The following CLNK variants were observed in gnomAD, a reference collection of about 807,000 sequenced individuals.
The protein encoded by CLNK is cytokine dependent hematopoietic cell linker, also known as cytokine-dependent hematopoietic cell linker.
Under a neutral mutation model 68.6 loss-of-function variants are expected in CLNK, and 74 were observed. That is an observed-to-expected ratio of 1.08 (90% CI 0.89 to 1.31). CLNK has a LOEUF of 1.31. CLNK is among the 50% of genes most tolerant of loss of function. The probability of loss-of-function intolerance (pLI) is 0.00; values close to 1 mark genes in which losing one functional copy is unlikely to be tolerated. For missense variants in CLNK, 553 were observed against 515.3 expected (o/e 1.07, Z -0.71); for synonymous variants, 198 against 172.2 (o/e 1.15, Z -1.17).
chr4:10,705,169 C>T, the CLNK span, among the ~76,000 whole-genome samples: 4 of 152,150 alleles, frequency 2.6e-5, no homozygotes, highest in East Asian at 7.7e-4. Context: ...TGGGAACTAC[C>T]AGTGATAATG....
chr4:10,671,064 G>A (rs1724611910), intron 1 of CLNK, among the ~76,000 whole-genome samples: 1 of 152,180 alleles, frequency 6.6e-6, no homozygotes, highest in Non-Finnish European at 1.5e-5. Flanking sequence ...ATTATAGAGA[G>A]ATCCCAAACT....
intron 3 of CLNK, among the ~76,000 whole-genome samples, chr4:10,593,380 C>T (rs1463698530): frequency 6.6e-6 from 1 of 152,122 alleles, no homozygotes; most frequent in Non-Finnish European, 1.5e-5. Context: ...CCAGGCGGGG[C>T]ACGGTGGCTC....
the CLNK span, among the ~76,000 whole-genome samples, chr4:10,708,098 A>G: frequency 6.6e-6 from 1 of 152,180 alleles, no homozygotes; most frequent in African/African-American, 2.4e-5. Flanking sequence ...GAGATTCCCA[A>G]TGACAGGAGG....
intron 8 of CLNK, among the ~76,000 whole-genome samples, chr4:10,546,208 TGA>T (rs1286751229): frequency 1.3e-5 from 2 of 152,234 alleles, no homozygotes; most frequent in Non-Finnish European, 2.9e-5. Flanking sequence ...GTGGCCAGGC[TGA>T]GTTTTCCAAA....
chr4:10,666,006 G>A (rs1314090126), intron 2 of CLNK, among the ~76,000 whole-genome samples: 1 of 152,174 alleles, frequency 6.6e-6, no homozygotes, highest in African/African-American at 2.4e-5. Context: ...GACAACCAGA[G>A]GGAGATTTGA....
At chr4:10,559,732 C>G (rs1228085407) in intron 7 of CLNK, among the ~76,000 whole-genome samples, 1 of 152,154 alleles carries the variant, frequency 6.6e-6, no homozygotes, top group Admixed American at 6.5e-5. Flanking sequence ...TGTCCCTCCC[C>G]TGGGGCAATT....
intron 8 of CLNK, among the ~76,000 whole-genome samples, chr4:10,555,425 A>G (rs1719627854): frequency 6.6e-6 from 1 of 152,196 alleles, no homozygotes; most frequent in African/African-American, 2.4e-5. Context: ...CTATCTGAAA[A>G]TAAGATTATT....
the CLNK span, among the ~76,000 whole-genome samples, chr4:10,721,525 G>A: frequency 1.3e-5 from 2 of 151,028 alleles, no homozygotes; most frequent in East Asian, 2.0e-4. Flanking sequence ...GGTATGTGTA[G>A]GTAAAATCTA....
Position 10,542,340 on chromosome 4 carries a change from A to T in CLNK, c.446-60T>A, listed in dbSNP as rs950230830. ...GAAAATGTCATCAAGCATTGATTTT[A>T]TACACGCTTACATGAAAATCATTTT... On this transcript the variant is annotated intron_variant, in intron 8 of 18. Coordinates refer to ENST00000226951, the MANE Select transcript of CLNK (RefSeq NM_052964.4). 9.3e-6 allele frequency: 10 copies of T among 1,069,522 alleles called. No individual in the cohort carries two copies. The African/African-American group carries it at 1.6e-4, about 17-fold the overall frequency. 66.3% of individuals were successfully genotyped at this position (1,069,522 alleles called of 1,614,324 possible).
At chr4:10,706,787 T>A in the CLNK span, among the ~76,000 whole-genome samples, 1 of 152,144 alleles carries the variant, frequency 6.6e-6, no homozygotes, top group South Asian at 2.1e-4. Context: ...TGCCTTTCCC[T>A]GTATGATGTC....
At chr4:10,635,399 A>G (rs751621906) in intron 2 of CLNK, among the ~76,000 whole-genome samples, 19 of 152,112 alleles carry the variant, frequency 1.2e-4, no homozygotes, top group Non-Finnish European at 2.2e-4. Flanking sequence ...CACCTCTGAC[A>G]CTAATCTCTT....
intron 3 of CLNK, among the ~76,000 whole-genome samples, chr4:10,586,081 CT>C (rs917028219): frequency 6.6e-5 from 10 of 152,158 alleles, no homozygotes; most frequent in Admixed American, 1.3e-4. Flanking sequence ...CTATGAGAAT[CT>C]AATGCTGCTG....
intron 2 of CLNK, among the ~76,000 whole-genome samples, chr4:10,658,270 G>A (rs537981759): frequency 6.1e-4 from 93 of 152,144 alleles, no homozygotes; most frequent in Non-Finnish European, 1.1e-3. Flanking sequence ...TGTTCTTCAT[G>A]GTGGAATATC....
At chr4:10,515,307 TA>T (rs900201675) in intron 15 of CLNK, among the ~76,000 whole-genome samples, 3 of 152,198 alleles carry the variant, frequency 2.0e-5, no homozygotes, top group Admixed American at 1.3e-4. Context: ...CTTCTGTCCA[TA>T]AGGCTCTGAA....
the CLNK span, among the ~76,000 whole-genome samples, chr4:10,719,523 T>C: frequency 1.3e-5 from 2 of 152,080 alleles, no homozygotes; most frequent in Non-Finnish European, 2.9e-5. Context: ...CTGTCCTAAA[T>C]GTGTGTGCAT....
At position 10,610,746 on chromosome 4, in the gene CLNK, G is replaced by A. The variant is rs549087878; in HGVS notation, c.12-12697C>T. ...GTCATGCCTGAAAGATTCTGGATGCGTGATAGAAAACAACATAAAAAAGCA... is the reference window on the plus strand; with the variant it reads ...GTCATGCCTGAAAGATTCTGGATGCATGATAGAAAACAACATAAAAAAGCA... On this transcript the variant is annotated intron_variant, in intron 2 of 18. Transcript: ENST00000226951. Among the ~76,000 whole-genome samples, 49 of 150,966 alleles carry A rather than the reference G, an allele frequency of 3.2e-4. No homozygotes were observed. The East Asian group carries it at 7.8e-3, about 24-fold the overall frequency.
At chr4:10,609,526 G>A (rs192813547) in intron 2 of CLNK, among the ~76,000 whole-genome samples, 59 of 152,296 alleles carry the variant, frequency 3.9e-4, no homozygotes, top group African/African-American at 1.3e-3. Context: ...CCAAAACTCT[G>A]GATTTCCTGA....
At chr4:10,529,455 AC>A (rs1438881128) in intron 12 of CLNK, among the ~76,000 whole-genome samples, 6 of 152,282 alleles carry the variant, frequency 3.9e-5, no homozygotes, top group South Asian at 2.1e-4. Context: ...TAGATAAGAA[AC>A]TTTTGGCAAC....
chr4:10,532,031 C>G (rs1216740060), intron 12 of CLNK, among the ~76,000 whole-genome samples: 5 of 152,094 alleles, frequency 3.3e-5, no homozygotes, highest in African/African-American at 1.2e-4. Context: ...ACAAATGAAC[C>G]CTGAATGACC....
Sources: gnomAD v4.1 joint callset for allele counts (sites outside exome capture counted in the v4.1 genomes callset) on GRCh38, gnomAD v4.1.1 for gene constraint, MANE v1.5 for transcripts, NCBI Gene and HGNC (gene_info 2026-07-23, HGNC 2026-07-21) for gene names.